SYNE2: variants seen among roughly 807,000 people sequenced by gnomAD.
SYNE2 encodes nesprin-2.
A neutral mutation model predicts 856.3 loss-of-function variants in SYNE2; 431 were observed. The observed-to-expected ratio is 0.50, with a 90% CI of 0.47 to 0.55. The LOEUF (loss-of-function observed/expected upper bound fraction) is 0.55, where lower values mean the gene tolerates loss of function less well. SYNE2 is among the 20% of genes least tolerant of loss of function. The pLI, the probability that SYNE2 is intolerant of heterozygous loss-of-function variation, is 0.00. For missense variants in SYNE2, 8,129 were observed against 8,023.2 expected, an observed-to-expected ratio of 1.01 and a Z score of -0.50; for synonymous variants, 2,923 against 2,872.3, an observed-to-expected ratio of 1.02 and a Z score of -0.56.
intron 102 of SYNE2, 39 bp from the exon 103 acceptor site, chr14:64,209,901 ACT>A (rs771386847): frequency 1.2e-6 from 2 of 1,613,474 alleles, no homozygotes; most frequent in African/African-American, 1.3e-5. Context: ...GCGTCCTGGC[ACT>A]CTGCATGCTT....
chr14:63,995,829 G>C (rs940430450), intron 23 of SYNE2, among the ~76,000 whole-genome samples: 2 of 151,998 alleles, frequency 1.3e-5, no homozygotes, highest in Non-Finnish European at 2.9e-5. Flanking sequence ...AATTTGCAGT[G>C]AGTACTTTTT....
intron 1 of SYNE2, among the ~76,000 whole-genome samples, chr14:63,797,101 A>G (rs1595118616): frequency 6.6e-6 from 1 of 150,742 alleles, no homozygotes; most frequent in African/African-American, 2.4e-5. Flanking sequence ...AAAAGAAAAG[A>G]AAAGAAAAGA....
At chr14:63,814,593 A>C in intron 1 of SYNE2, among the ~76,000 whole-genome samples, 4 of 138,368 alleles carry the variant, frequency 2.9e-5, no homozygotes, top group Non-Finnish European at 6.1e-5. Context: ...TATATATAAT[A>C]TAGATCCTTA....
chr14:64,005,540 G>A (rs564644329), intron 30 of SYNE2, among the ~76,000 whole-genome samples: 1 of 152,304 alleles, frequency 6.6e-6, no homozygotes, highest in South Asian at 2.1e-4. Flanking sequence ...AACTTGAACA[G>A]TGAGTAAGAA....
chr14:64,102,447 T>C (rs1208768447), intron 64 of SYNE2, among the ~76,000 whole-genome samples: 1 of 151,128 alleles, frequency 6.6e-6, no homozygotes, highest in Admixed American at 6.6e-5. Context: ...ATAAGGATAG[T>C]AAAGAACTAT....
intron 99 of SYNE2, among the ~76,000 whole-genome samples, chr14:64,198,925 A>G (rs1157035619): frequency 6.6e-6 from 1 of 152,234 alleles, no homozygotes; most frequent in East Asian, 1.9e-4. Context: ...ATGTTGTATT[A>G]CAGTGTCAAC....
At chr14:64,142,348 C>T (rs1043291522) in intron 82 of SYNE2, among the ~76,000 whole-genome samples, 3 of 152,116 alleles carry the variant, frequency 2.0e-5, no homozygotes, top group African/African-American at 7.2e-5. Context: ...TTATCCCCAT[C>T]CCACCACCCC....
Position 64,080,650 on chromosome 14 carries a change from A to C in SYNE2, c.11346+12A>C, listed in dbSNP as rs747586643. ...CACAGTTGAATAAGGTATGGCTGTG[A>C]CTCGTAATAGCTTCATATCATGTGG... On this transcript the variant is annotated intron_variant, in intron 56 of 115. Coordinates refer to ENST00000555002, the MANE Select transcript of SYNE2 (RefSeq NM_182914.3). 11 of 1,613,606 alleles carry C rather than the reference A, an allele frequency of 6.8e-6. No homozygotes were observed. The African/African-American group carries it at 1.3e-4, about 20-fold the overall frequency.
At chr14:64,134,269 T>C in intron 78 of SYNE2, 69 bp downstream of exon 78, 3 of 1,526,312 alleles carry the variant, frequency 2.0e-6, no homozygotes, top group Admixed American at 1.7e-5. Context: ...TTGTTTTGAC[T>C]AAGTGGCTTG....
intron 1 of SYNE2, among the ~76,000 whole-genome samples, chr14:63,863,957 G>T (rs1894497347): frequency 6.6e-6 from 1 of 152,046 alleles, no homozygotes; most frequent in Admixed American, 6.6e-5. Flanking sequence ...GAATAGCTGG[G>T]ATTACAGGCG....
At chr14:63,989,411 C>T (rs1386283101) in intron 19 of SYNE2, among the ~76,000 whole-genome samples, 3 of 152,096 alleles carry the variant, frequency 2.0e-5, no homozygotes, top group Non-Finnish European at 4.4e-5. Flanking sequence ...AGTCTTGGCT[C>T]ACTACAATCT....
intron 1 of SYNE2, among the ~76,000 whole-genome samples, chr14:63,786,954 G>A (rs576060919): frequency 1.6e-4 from 25 of 152,120 alleles, no homozygotes; most frequent in Admixed American, 1.4e-3. Flanking sequence ...GTAGAGACAG[G>A]GTTTCGCCAT....
intron 52 of SYNE2, among the ~76,000 whole-genome samples, chr14:64,072,289 C>T (rs1364783646): frequency 6.6e-6 from 1 of 152,132 alleles, no homozygotes; most frequent in Non-Finnish European, 1.5e-5. Context: ...TCTCTCTACC[C>T]TTACACACCA....
In SYNE2 at chr14:64,202,155, C is replaced by T. The variant is rs780169451; in HGVS notation, c.18039-646C>T. On this transcript the variant is annotated intron_variant, in intron 99 of 115. Transcript: ENST00000555002. Reference sequence around the variant, plus strand: ...GAGATCACATTTAGAACTGCGCTTGCGTGCAGATTTCCTTTGCCCCCTCCC... The same window carrying T: ...GAGATCACATTTAGAACTGCGCTTGTGTGCAGATTTCCTTTGCCCCCTCCC... 4.6e-5 allele frequency: 32 copies of T among 701,662 alleles called. 1 individual carries two copies. The highest frequency in any genetic ancestry group is 5.0e-4 in the Middle Eastern group (2 of 4,024). The allele number at this position is 701,662 out of a possible 1,614,324, so 43.5% of individuals were successfully genotyped here.
intron 19 of SYNE2, among the ~76,000 whole-genome samples, chr14:63,987,555 A>G (rs1471833755): frequency 6.6e-6 from 1 of 152,218 alleles, no homozygotes; most frequent in East Asian, 1.9e-4. Flanking sequence ...GAACATTTAT[A>G]TAATTTTTTA....
intron 36 of SYNE2, 141 bp downstream of exon 36, chr14:64,021,656 A>AT: frequency 8.4e-7 from 1 of 1,191,076 alleles, no homozygotes; most frequent in East Asian, 2.5e-5. Context: ...TATATTTAGC[A>AT]TTTTCATCTT....
At chr14:63,976,862 G>A (rs1272098382) in intron 12 of SYNE2, 135 bp downstream of exon 12, 17 of 932,772 alleles carry the variant, frequency 1.8e-5, no homozygotes, top group Admixed American at 4.7e-5. Flanking sequence ...TTCCTCTGGG[G>A]ATTTTTGGGA....
At position 64,223,369 on chromosome 14, in the gene SYNE2, C is replaced by A; in HGVS notation, c.20371C>A (p.Gln6791Lys). The A allele has an allele frequency of 6.2e-7, 1 of 1,613,860 alleles. No homozygotes were observed. Among genetic ancestry groups the A allele is most frequent in the South Asian group, 1.1e-5 (1 of 90,984 alleles). The change falls in exon 113 of 116, where the codon CAG (glutamine) becomes AAG (lysine). Residue 6791 changes from glutamine (Q) to lysine (K), a missense_variant. Gln to Lys is a moderately conservative substitution (Grantham distance 53, BLOSUM62 1). Transcript: ENST00000555002. ...EQVSQDLMAL[Q>K]GTQNPASPLP... ...AGTGTCCCAAGATTTAATGGCCTTG[C>A]AGGGAACCCAGGTGAGTCTACTTGT...
intron 6 of SYNE2, among the ~76,000 whole-genome samples, chr14:63,944,824 C>CTTTT (rs55906748): frequency 0.012 from 568 of 46,946 alleles, 122 homozygotes; most frequent in African/African-American, 0.05. Flanking sequence ...GGGCTTAAAG[C>CTTTT]TTTTTTTTTT....
Sources: allele counts gnomAD v4.1 joint callset (sites outside exome capture counted in the v4.1 genomes callset), GRCh38; gene constraint gnomAD v4.1.1; transcripts MANE v1.5; gene names NCBI Gene and HGNC (gene_info 2026-07-23, HGNC 2026-07-21).